RBFOX1: variants seen among roughly 807,000 people sequenced by gnomAD.
The protein encoded by RBFOX1 is RNA binding fox-1 homolog 1.
In RBFOX1, 8 loss-of-function variants were observed where a neutral mutation model predicts 57.7. That is an observed-to-expected ratio of 0.14 (90% CI 0.08 to 0.25). The LOEUF (loss-of-function observed/expected upper bound fraction) is 0.25, where lower values mean the gene tolerates loss of function less well. RBFOX1 is among the 10% of genes least tolerant of loss of function. The pLI is 1.00. For missense variants in RBFOX1, 611 were observed against 548.5 expected, an observed-to-expected ratio of 1.11 and a Z score of -1.14; for synonymous variants, 326 against 222.4, an observed-to-expected ratio of 1.47 and a Z score of -4.15.
intron 1 of RBFOX1, among the ~76,000 whole-genome samples, chr16:5,413,852 G>T (rs2067089358): frequency 6.6e-6 from 1 of 152,096 alleles, no homozygotes; most frequent in Admixed American, 6.5e-5. Context: ...GTTGTTGGGG[G>T]AAGGCAAACA....
At chr16:6,817,619 T>C (rs558135218) in intron 3 of RBFOX1, among the ~76,000 whole-genome samples, 1 of 149,808 alleles carries the variant, frequency 6.7e-6, no homozygotes, top group African/African-American at 2.5e-5. Context: ...GGCAAGAGAA[T>C]CACTTGAACC....
At chr16:6,101,611 G>A (rs961083790) in intron 1 of RBFOX1, among the ~76,000 whole-genome samples, 5 of 151,984 alleles carry the variant, frequency 3.3e-5, no homozygotes, top group Admixed American at 6.6e-5. Context: ...CTCACCCTCC[G>A]GAGTAGCTGG....
intron 4 of RBFOX1, among the ~76,000 whole-genome samples, chr16:7,413,168 A>T (rs546649970): frequency 6.6e-6 from 1 of 152,212 alleles, no homozygotes; most frequent in Non-Finnish European, 1.5e-5. Flanking sequence ...CCTGATGACA[A>T]TTCCTTTCAT....
intron 5 of RBFOX1, among the ~76,000 whole-genome samples, chr16:7,536,068 A>C (rs996777311): frequency 6.6e-6 from 1 of 152,210 alleles, no homozygotes; most frequent in Non-Finnish European, 1.5e-5. Flanking sequence ...GCAGCCAGCC[A>C]TCTGTATCCA....
At chr16:6,801,711 G>A (rs1298094818) in intron 3 of RBFOX1, among the ~76,000 whole-genome samples, 1 of 152,110 alleles carries the variant, frequency 6.6e-6, no homozygotes, top group Non-Finnish European at 1.5e-5. Flanking sequence ...AGGTGCAGAT[G>A]AACTGGGGAG....
rs144299779 is a variant in RBFOX1, at chr16:5,646,161, C to T, written c.318+47200C>T. 9.7e-3 allele frequency among the ~76,000 whole-genome samples: 1,454 copies of T among 149,472 alleles called. 24 individuals are homozygous for T. Among genetic ancestry groups the T allele is most frequent in the African/African-American group, 0.034 (1,386 of 40,890 alleles). On this transcript the variant is annotated intron_variant, in intron 3 of 19. Coordinates refer to the RBFOX1 transcript ENST00000641259. ...TCTGCTGCCTCAGCCTCCCAAGTCG[C>T]TGGGATTACAGGCACGTGCTATTTT...
intron 1 of RBFOX1, among the ~76,000 whole-genome samples, chr16:6,243,648 C>G (rs766852578): frequency 6.6e-6 from 1 of 152,216 alleles, no homozygotes; most frequent in African/African-American, 2.4e-5. Flanking sequence ...TAACCCGGGC[C>G]TGTCTCATCA....
chr16:7,043,591 T>G (rs755181016), intron 3 of RBFOX1, among the ~76,000 whole-genome samples: 1 of 152,228 alleles, frequency 6.6e-6, no homozygotes, highest in Non-Finnish European at 1.5e-5. Flanking sequence ...ATTGATTTGA[T>G]ATATTGAGTT....
At chr16:5,368,844 C>G (rs73516655) in intron 1 of RBFOX1, among the ~76,000 whole-genome samples, 6 of 152,160 alleles carry the variant, frequency 3.9e-5, no homozygotes, top group Admixed American at 2.0e-4. Context: ...ATGGCTGGCT[C>G]TTGTCAAGAG....
intron 7 of RBFOX1, among the ~76,000 whole-genome samples, chr16:7,589,426 GTC>G (rs1268060574): frequency 6.6e-6 from 1 of 152,094 alleles, no homozygotes; most frequent in Non-Finnish European, 1.5e-5. Context: ...TGATTAGCCT[GTC>G]TCTGGGGGCT....
At chr16:6,240,408 A>C (rs1216462947) in intron 1 of RBFOX1, among the ~76,000 whole-genome samples, 2 of 151,982 alleles carry the variant, frequency 1.3e-5, no homozygotes, top group Non-Finnish European at 2.9e-5. Flanking sequence ...TGTGGGTGGG[A>C]AGAACCAACT....
intron 3 of RBFOX1, among the ~76,000 whole-genome samples, chr16:7,010,167 G>T (rs1195011325): frequency 6.6e-6 from 1 of 152,212 alleles, no homozygotes. Flanking sequence ...GACTTAATCA[G>T]CTGTGAATAC....
At chr16:5,834,646 G>A (rs1444740069) in intron 3 of RBFOX1, among the ~76,000 whole-genome samples, 1 of 151,446 alleles carries the variant, frequency 6.6e-6, no homozygotes, top group Non-Finnish European at 1.5e-5. Context: ...TTTCTGTTGG[G>A]TAGTTAACCA....
chr16:6,197,828 G>T lies in RBFOX1; in HGVS notation c.-126-119167G>T, dbSNP rs753893349. On this transcript the variant is annotated intron_variant, in intron 1 of 15. Coordinates refer to ENST00000550418, the MANE Select transcript of RBFOX1 (RefSeq NM_018723.4). ...ATCCTCCACCCTCAAGTAGGACTCAGTGTCTGTTGTTCCCTTCGTGTCCAT... is the reference window on the plus strand; with the variant it reads ...ATCCTCCACCCTCAAGTAGGACTCATTGTCTGTTGTTCCCTTCGTGTCCAT... Among the ~76,000 whole-genome samples the T allele has an allele frequency of 2.0e-4, 31 of 151,958 alleles. 1 individual carries two copies. Among genetic ancestry groups the T allele is most frequent in the Non-Finnish European group, 2.4e-4 (16 of 67,996 alleles).
chr16:6,475,246 T>C lies in RBFOX1; in HGVS notation c.-64+158189T>C, dbSNP rs192988495. The stretch of plus-strand genomic sequence containing the variant: ...TAATTATAAAACACATTGAAAACAA[T>C]GTTGGTTGTAATACTATTAGAAGAA... On this transcript the variant is annotated intron_variant, in intron 2 of 15. Coordinates refer to ENST00000550418, the MANE Select transcript of RBFOX1 (RefSeq NM_018723.4). Among the ~76,000 whole-genome samples the C allele has an allele frequency of 5.9e-3, 900 of 152,288 alleles. 9 individuals are homozygous for C. Among genetic ancestry groups the C allele is most frequent in the Non-Finnish European group, 6.6e-3 (448 of 68,022 alleles).
At chr16:6,410,212 A>G (rs2093414150) in intron 2 of RBFOX1, among the ~76,000 whole-genome samples, 1 of 138,556 alleles carries the variant, frequency 7.2e-6, no homozygotes, top group South Asian at 2.3e-4. Context: ...GTGCTGGTGC[A>G]TATGAATGTG....
chr16:5,363,199 A>ATTTT (rs533158906), intron 1 of RBFOX1, among the ~76,000 whole-genome samples: 36 of 121,724 alleles, frequency 3.0e-4, no homozygotes, highest in South Asian at 5.4e-4. Flanking sequence ...GCCCCTGGCT[A>ATTTT]TTTTTTTTTT....
At chr16:6,994,031 A>C (rs891452008) in intron 3 of RBFOX1, among the ~76,000 whole-genome samples, 3 of 152,060 alleles carry the variant, frequency 2.0e-5, no homozygotes, top group Admixed American at 2.0e-4. Context: ...AATTTCCTCA[A>C]TCCACCTCCC....
chr16:6,737,526 C>G (rs555628148), intron 3 of RBFOX1, among the ~76,000 whole-genome samples: 5 of 152,194 alleles, frequency 3.3e-5, no homozygotes, highest in Non-Finnish European at 7.3e-5. Context: ...TATGAACTTT[C>G]TGGAAGTCAT....
Sources: gnomAD v4.1 joint callset for allele counts (sites outside exome capture counted in the v4.1 genomes callset) on GRCh38, gnomAD v4.1.1 for gene constraint, MANE v1.5 for transcripts, NCBI Gene and HGNC (gene_info 2026-07-23, HGNC 2026-07-21) for gene names.